CCDC91: variants seen among roughly 807,000 people sequenced by gnomAD.
CCDC91 encodes the protein coiled-coil domain-containing protein 91.
In CCDC91, 48 loss-of-function variants were observed where a neutral mutation model predicts 63.2. That is an observed-to-expected ratio of 0.76 (90% confidence interval 0.60 to 0.97). The LOEUF (loss-of-function observed/expected upper bound fraction) is 0.97. CCDC91 is among the 50% of genes least tolerant of loss of function. The pLI is 0.00. For synonymous variants in CCDC91, 167 were observed against 165.8 expected (o/e 1.01, Z -0.06); for missense variants, 500 against 494.6 (o/e 1.01, Z -0.10).
intron 12 of CCDC91, among the ~76,000 whole-genome samples, chr12:28,490,026 A>C (rs1951915396): frequency 6.6e-6 from 1 of 151,964 alleles, no homozygotes; most frequent in Non-Finnish European, 1.5e-5. Flanking sequence ...TTTCCTTGAC[A>C]GTTGATAAAC....
intron 1 of CCDC91, among the ~76,000 whole-genome samples, chr12:28,240,804 C>T (rs140370594): frequency 6.6e-6 from 1 of 152,212 alleles, no homozygotes; most frequent in African/African-American, 2.4e-5. Context: ...CAGTTTTTGG[C>T]TATTACAAAC....
chr12:28,386,521 A>G (rs1265065021), intron 7 of CCDC91, among the ~76,000 whole-genome samples: 2 of 152,060 alleles, frequency 1.3e-5, no homozygotes, highest in African/African-American at 4.8e-5. Flanking sequence ...GGTGCACTCC[A>G]CGATGCCCCA....
chr12:28,416,863 T>C (rs1191171264), intron 8 of CCDC91, among the ~76,000 whole-genome samples: 1 of 152,142 alleles, frequency 6.6e-6, no homozygotes, highest in Non-Finnish European at 1.5e-5. Flanking sequence ...ACACTTATCA[T>C]ATGTAGTATT....
intron 12 of CCDC91, among the ~76,000 whole-genome samples, chr12:28,527,702 G>A (rs1444967057): frequency 1.3e-5 from 2 of 152,192 alleles, no homozygotes; most frequent in Admixed American, 6.5e-5. Context: ...CAGGGTGGTA[G>A]GAAAGGACCA....
intron 6 of CCDC91, among the ~76,000 whole-genome samples, chr12:28,355,025 C>T (rs146333635): frequency 1.1e-4 from 17 of 152,098 alleles, no homozygotes; most frequent in African/African-American, 4.1e-4. Context: ...CCTCTTTTAT[C>T]CCTCTTTCTC....
chr12:28,465,296 T>C (rs1182444189), intron 11 of CCDC91, among the ~76,000 whole-genome samples: 1 of 152,162 alleles, frequency 6.6e-6, no homozygotes, highest in Non-Finnish European at 1.5e-5. Flanking sequence ...CTCACTGCCC[T>C]GAAGGGAAGG....
intron 3 of CCDC91, 85 bp from the exon 4 acceptor site, chr12:28,305,564 A>G (rs944190041): frequency 1.7e-6 from 2 of 1,147,986 alleles, no homozygotes; most frequent in African/African-American, 1.6e-5. Context: ...CCTCTATTTC[A>G]GCTCTCTTTC....
At chr12:28,236,314 A>G (rs1486199154) in intron 1 of CCDC91, 1 of 152,046 alleles carries the variant, frequency 6.6e-6, no homozygotes, top group Non-Finnish European at 1.5e-5. Flanking sequence ...GTTTTCTGTG[A>G]AGAGTATTTC....
At chr12:28,205,175 G>C (rs1726574901) in intron 1 of CCDC91, among the ~76,000 whole-genome samples, 1 of 151,954 alleles carries the variant, frequency 6.6e-6, no homozygotes, top group African/African-American at 2.4e-5. Flanking sequence ...CTCAATTATA[G>C]AGAGAAAGGA....
chr12:28,418,256 A>T (rs1043259203), intron 8 of CCDC91, among the ~76,000 whole-genome samples: 1 of 152,160 alleles, frequency 6.6e-6, no homozygotes, highest in African/African-American at 2.4e-5. Context: ...CTAATAGCTT[A>T]CCAAAATTTA....
intron 1 of CCDC91, among the ~76,000 whole-genome samples, chr12:28,237,420 C>G (rs1035987981): frequency 6.6e-6 from 1 of 152,032 alleles, no homozygotes; most frequent in Non-Finnish European, 1.5e-5. Context: ...ATTATCTGTG[C>G]GGGTCCTAAA....
At chr12:28,354,745 T>C (rs1394261283) in intron 6 of CCDC91, among the ~76,000 whole-genome samples, 3 of 152,200 alleles carry the variant, frequency 2.0e-5, no homozygotes, top group Non-Finnish European at 4.4e-5. Flanking sequence ...ACTCAAACTT[T>C]GGAGACCAGA....
At chr12:28,412,647 G>T (rs1405216852) in intron 8 of CCDC91, 1 of 397,286 alleles carries the variant, frequency 2.5e-6, no homozygotes, top group African/African-American at 2.1e-5. Flanking sequence ...AAAGGACAAA[G>T]CTTCCAGAGC....
intron 8 of CCDC91, among the ~76,000 whole-genome samples, chr12:28,396,518 C>A (rs1210442694): frequency 5.3e-5 from 8 of 151,412 alleles, no homozygotes; most frequent in African/African-American, 1.9e-4. Context: ...TGTTGGTAGC[C>A]CAAACTAAAG....
chr12:28,493,538 A>T (rs139039416), intron 12 of CCDC91, among the ~76,000 whole-genome samples: 22 of 151,740 alleles, frequency 1.4e-4, no homozygotes, highest in African/African-American at 5.3e-4. Flanking sequence ...CCTTAGAGGG[A>T]CAGAACTTAC....
At chr12:28,537,857 T>A (rs1391794173) in intron 12 of CCDC91, among the ~76,000 whole-genome samples, 3 of 152,168 alleles carry the variant, frequency 2.0e-5, no homozygotes, top group African/African-American at 7.2e-5. Flanking sequence ...GCCCAATAAC[T>A]GCCACTCTCA....
At chr12:28,335,547 A>G (rs1227876233) in intron 6 of CCDC91, among the ~76,000 whole-genome samples, 2 of 150,856 alleles carry the variant, frequency 1.3e-5, no homozygotes, top group Non-Finnish European at 2.9e-5. Context: ...GGGTGGGGCT[A>G]CAGGTGCATG....
intron 12 of CCDC91, among the ~76,000 whole-genome samples, chr12:28,532,812 G>A (rs183822523): frequency 1.0e-3 from 153 of 152,060 alleles, no homozygotes; most frequent in Non-Finnish European, 1.9e-3. Context: ...ATTTGAGAAC[G>A]GTATCAAGGA....
intron 7 of CCDC91, among the ~76,000 whole-genome samples, chr12:28,362,959 A>C (rs1944001801): frequency 6.7e-6 from 1 of 149,426 alleles, no homozygotes; most frequent in South Asian, 2.1e-4. Context: ...TGTCAGTATC[A>C]TACAGTAAAA....
Sources: allele counts gnomAD v4.1 joint callset (sites outside exome capture counted in the v4.1 genomes callset), GRCh38; gene constraint gnomAD v4.1.1; transcripts MANE v1.5; gene names NCBI Gene and HGNC (gene_info 2026-07-23, HGNC 2026-07-21).